The following STPG2 variants were observed in gnomAD, a reference collection of about 807,000 sequenced individuals.
STPG2 encodes sperm-tail PG-rich repeat-containing protein 2.
Under a neutral mutation model 54.2 loss-of-function variants are expected in STPG2, and 56 were observed. The ratio of observed to expected loss-of-function variants is 1.03; its 90% confidence interval spans 0.83 to 1.29. The LOEUF is 1.29. STPG2 is among the 50% of genes most tolerant of loss of function. STPG2 has a pLI of 0.00. For missense variants in STPG2, 596 were observed against 544.9 expected, an observed-to-expected ratio of 1.09 and a Z score of -0.93; for synonymous variants, 200 against 181.8, an observed-to-expected ratio of 1.10 and a Z score of -0.81.
At chr4:97,711,113 T>C (rs568301780) in intron 10 of STPG2, among the ~76,000 whole-genome samples, 1 of 152,128 alleles carries the variant, frequency 6.6e-6, no homozygotes, top group African/African-American at 2.4e-5. Context: ...GAAGAATGCA[T>C]CACAAAATGA....
At chr4:97,995,325 C>T (rs1735168832) in intron 5 of STPG2, among the ~76,000 whole-genome samples, 1 of 152,130 alleles carries the variant, frequency 6.6e-6, no homozygotes, top group Non-Finnish European at 1.5e-5. Context: ...CAATCACCTC[C>T]TTCAATGTGT....
At chr4:97,884,815 C>A (rs373634590) in intron 8 of STPG2, among the ~76,000 whole-genome samples, 41 of 152,038 alleles carry the variant, frequency 2.7e-4, no homozygotes, top group African/African-American at 8.2e-4. Flanking sequence ...TAAAAAACAA[C>A]CAGAGGAGGA....
intron 5 of STPG2, among the ~76,000 whole-genome samples, chr4:97,999,236 C>T (rs1735335982): frequency 6.6e-6 from 1 of 152,142 alleles, no homozygotes; most frequent in African/African-American, 2.4e-5. Context: ...AACTGTGCCA[C>T]AAAGAAATTA....
chr4:97,462,479 T>A (rs1306514986), intron 4 of STPG2, among the ~76,000 whole-genome samples: 2 of 152,008 alleles, frequency 1.3e-5, no homozygotes, highest in Non-Finnish European at 2.9e-5. Flanking sequence ...TACATTGAAT[T>A]TATTTAAAGG....
intron 10 of STPG2, among the ~76,000 whole-genome samples, chr4:97,638,099 C>A (rs1169604622): frequency 6.6e-6 from 1 of 152,154 alleles, no homozygotes; most frequent in Non-Finnish European, 1.5e-5. Flanking sequence ...AACTATACTA[C>A]AAGGCTACAG....
At chr4:97,684,474 G>A (rs186291285) in intron 10 of STPG2, among the ~76,000 whole-genome samples, 4 of 151,924 alleles carry the variant, frequency 2.6e-5, no homozygotes, top group African/African-American at 9.7e-5. Context: ...AAACATTTCA[G>A]TGGAGACAGG....
At chr4:97,509,271 A>G in intron 4 of STPG2, among the ~76,000 whole-genome samples, 1 of 152,034 alleles carries the variant, frequency 6.6e-6, no homozygotes, top group East Asian at 1.9e-4. Context: ...GTCAGTGTGG[A>G]AACTTCAGAT....
intron 8 of STPG2, among the ~76,000 whole-genome samples, chr4:97,848,861 C>T (rs1729054261): frequency 6.7e-6 from 1 of 150,248 alleles, no homozygotes; most frequent in Non-Finnish European, 1.5e-5. Flanking sequence ...TGATCTATAT[C>T]TCTGTTTTGG....
intron 4 of STPG2, among the ~76,000 whole-genome samples, chr4:97,444,136 A>G (rs1310793790): frequency 6.6e-6 from 1 of 152,194 alleles, no homozygotes; most frequent in African/African-American, 2.4e-5. Context: ...AAGAGAATCT[A>G]TAATATACAA....
At chr4:97,679,569 TG>T (rs199638222) in intron 10 of STPG2, among the ~76,000 whole-genome samples, 3,468 of 152,046 alleles carry the variant, frequency 0.023, 83 homozygotes, top group African/African-American at 0.064. Context: ...TCTCCCATTT[TG>T]TAGGTTGCCT....
chr4:97,508,416 C>T (rs1294433115), intron 4 of STPG2, among the ~76,000 whole-genome samples: 3 of 152,010 alleles, frequency 2.0e-5, no homozygotes, highest in Non-Finnish European at 2.9e-5. Context: ...TGGTTATTCA[C>T]TATCTTTGAA....
At chr4:97,449,174 T>G (rs1204524379) in intron 4 of STPG2, among the ~76,000 whole-genome samples, 1 of 152,114 alleles carries the variant, frequency 6.6e-6, no homozygotes, top group Non-Finnish European at 1.5e-5. Flanking sequence ...GGCAAAAACC[T>G]TTGATGAAAT....
intron 4 of STPG2, among the ~76,000 whole-genome samples, chr4:97,488,324 A>T (rs1730421254): frequency 6.6e-6 from 1 of 151,732 alleles, no homozygotes; most frequent in Admixed American, 6.6e-5. Context: ...CTTCAAATAC[A>T]TTAATTTAAT....
chr4:97,700,177 A>G (rs1198437124), intron 10 of STPG2, among the ~76,000 whole-genome samples: 1 of 152,134 alleles, frequency 6.6e-6, no homozygotes, highest in Admixed American at 6.5e-5. Context: ...GGGACTGCCA[A>G]AGGCTCCAGT....
intron 8 of STPG2, among the ~76,000 whole-genome samples, chr4:97,930,262 T>A (rs1412379100): frequency 2.0e-5 from 3 of 152,206 alleles, no homozygotes; most frequent in Non-Finnish European, 4.4e-5. Context: ...TGTTCTTATG[T>A]CCAAGATAGT....
chr4:97,858,253 C>T (rs1258004183), intron 8 of STPG2, among the ~76,000 whole-genome samples: 1 of 151,932 alleles, frequency 6.6e-6, no homozygotes, highest in Non-Finnish European at 1.5e-5. Context: ...ATTTAATAAT[C>T]AAATTCCCAA....
intron 8 of STPG2, among the ~76,000 whole-genome samples, chr4:97,942,506 A>G (rs903414525): frequency 1.3e-5 from 2 of 152,148 alleles, no homozygotes. Context: ...TTTTGAATTT[A>G]TAATTACAAA....
At chr4:98,129,344 G>A (rs1474856429) in intron 2 of STPG2, among the ~76,000 whole-genome samples, 2 of 152,086 alleles carry the variant, frequency 1.3e-5, no homozygotes, top group Admixed American at 1.3e-4. Context: ...CCCAGCTCCT[G>A]ACTTTTTGTT....
At chr4:97,678,571 T>G (rs1722926904) in intron 10 of STPG2, among the ~76,000 whole-genome samples, 1 of 152,102 alleles carries the variant, frequency 6.6e-6, no homozygotes, top group African/African-American at 2.4e-5. Flanking sequence ...ATAGACACTA[T>G]TATCATGCCC....
Sources: gnomAD v4.1 joint callset for allele counts (sites outside exome capture counted in the v4.1 genomes callset) on GRCh38, gnomAD v4.1.1 for gene constraint, MANE v1.5 for transcripts, NCBI Gene and HGNC (gene_info 2026-07-23, HGNC 2026-07-21) for gene names.